NR1H4: variants seen among roughly 807,000 people sequenced by gnomAD.
The protein encoded by NR1H4 is nuclear receptor subfamily 1 group H member 4.
A neutral mutation model predicts 58.5 loss-of-function variants in NR1H4; 23 were observed. The ratio of observed to expected loss-of-function variants is 0.39; its 90% CI spans 0.28 to 0.56. The LOEUF (loss-of-function observed/expected upper bound fraction) is 0.56. NR1H4 is among the 20% of genes least tolerant of loss of function. The probability of loss-of-function intolerance (pLI) is 0.58; values close to 1 mark genes in which losing one functional copy is unlikely to be tolerated. For synonymous variants in NR1H4, 214 were observed against 198.0 expected (o/e 1.08, Z -0.68); for missense variants, 487 against 576.9 (o/e 0.84, Z 1.60).
At chr12:100,552,643 C>T (rs1955228247) in intron 9 of NR1H4, among the ~76,000 whole-genome samples, 1 of 152,162 alleles carries the variant, frequency 6.6e-6, no homozygotes, top group African/African-American at 2.4e-5. Flanking sequence ...AAATATCTGG[C>T]CAGTCACAGT....
At chr12:100,544,388 G>T (rs1265488256) in intron 9 of NR1H4, among the ~76,000 whole-genome samples, 1 of 151,948 alleles carries the variant, frequency 6.6e-6, no homozygotes, top group Non-Finnish European at 1.5e-5. Flanking sequence ...TGTGTGTTTG[G>T]TTTATTCATC....
intron 4 of NR1H4, among the ~76,000 whole-genome samples, chr12:100,512,636 G>T (rs565531782): frequency 1.4e-5 from 2 of 144,380 alleles, no homozygotes; most frequent in South Asian, 4.3e-4. Flanking sequence ...GCGAGACTCC[G>T]TCTCCAAAAA....
intron 4 of NR1H4, among the ~76,000 whole-genome samples, chr12:100,511,768 A>C (rs563043551): frequency 6.6e-6 from 1 of 152,042 alleles, no homozygotes; most frequent in East Asian, 1.9e-4. Flanking sequence ...CTAAAAATAC[A>C]AAAATTAGCT....
intron 4 of NR1H4, among the ~76,000 whole-genome samples, chr12:100,530,310 C>CT (rs1186269014): frequency 5.3e-5 from 8 of 152,150 alleles, no homozygotes; most frequent in African/African-American, 1.9e-4. Flanking sequence ...CTCTCTGTAC[C>CT]TTTTTTTCTT....
chr12:100,517,733 T>C (rs1417618296), intron 4 of NR1H4, among the ~76,000 whole-genome samples: 4 of 152,234 alleles, frequency 2.6e-5, no homozygotes, highest in Non-Finnish European at 5.9e-5. Context: ...TGGAGTGAGG[T>C]GATATCTCAT....
chr12:100,535,147 C>A, intron 6 of NR1H4, 124 bp downstream of exon 6: 1 of 1,041,558 alleles, frequency 9.6e-7, no homozygotes, highest in Non-Finnish European at 1.5e-6. Context: ...TCCAATTGTT[C>A]ATTAAAATGG....
intron 1 of NR1H4, among the ~76,000 whole-genome samples, chr12:100,485,577 G>A (rs557657505): frequency 6.6e-6 from 1 of 152,034 alleles, no homozygotes; most frequent in African/African-American, 2.4e-5. Flanking sequence ...CTGTTGCACA[G>A]GCTGGAGTAC....
intron 9 of NR1H4, 100 bp from the exon 10 acceptor site, chr12:100,561,785 A>C: frequency 1.4e-6 from 1 of 691,660 alleles, no homozygotes; most frequent in South Asian, 1.6e-5. Context: ...GTGTGCATAT[A>C]GTTGCAAAAT....
intron 9 of NR1H4, among the ~76,000 whole-genome samples, chr12:100,556,451 G>A (rs1281252376): frequency 7.2e-6 from 1 of 139,536 alleles, no homozygotes; most frequent in Admixed American, 7.4e-5. Flanking sequence ...TGGGCAACAA[G>A]AGTGAAACTC....
intron 6 of NR1H4, 115 bp downstream of exon 6, chr12:100,535,138 C>A: frequency 8.7e-7 from 1 of 1,145,564 alleles, no homozygotes; most frequent in Non-Finnish European, 1.3e-6. Context: ...AATTTCTAGT[C>A]CAATTGTTCA....
intron 3 of NR1H4, among the ~76,000 whole-genome samples, chr12:100,499,056 C>T (rs1329060796): frequency 6.6e-6 from 1 of 152,162 alleles, no homozygotes. Flanking sequence ...TCAGCCTCTT[C>T]ATGCTTTATT....
In NR1H4 at chr12:100,536,520, T is replaced by C; in HGVS notation, c.741T>C (p.Thr247=). 1 of 1,604,164 alleles carries C rather than the reference T, an allele frequency of 6.2e-7. No individual in the cohort carries two copies. Among genetic ancestry groups the C allele is most frequent in the Non-Finnish European group, 8.5e-7 (1 of 1,171,226 alleles). Residue 247 remains threonine, a synonymous_variant, in exon 7 of 11, where the codon ACT becomes ACC. Coordinates refer to ENST00000392986, the MANE Select transcript of NR1H4 (RefSeq NM_001206979.2). ...TSTTKSCREK[T]ELTPDQQTLL... ...TTTTCTTGCCAGTGTAGGAGAAAAC[T>C]GAACTCACCCCAGATCAACAGACTC...
intron 1 of NR1H4, among the ~76,000 whole-genome samples, chr12:100,480,353 A>T (rs1953352330): frequency 6.6e-6 from 1 of 152,182 alleles, no homozygotes; most frequent in African/African-American, 2.4e-5. Flanking sequence ...TGATGTTGAG[A>T]TGCCGTTTTT....
At chr12:100,549,079 C>G (rs936810405) in intron 9 of NR1H4, among the ~76,000 whole-genome samples, 1 of 152,136 alleles carries the variant, frequency 6.6e-6, no homozygotes, top group African/African-American at 2.4e-5. Context: ...TGGCTCACAC[C>G]TGTAATCCCA....
intron 3 of NR1H4, among the ~76,000 whole-genome samples, chr12:100,508,818 G>A (rs146544442): frequency 3.3e-5 from 5 of 152,264 alleles, no homozygotes; most frequent in South Asian, 2.1e-4. Flanking sequence ...AAAAAACCAC[G>A]TTTTTCTAAA....
At position 100,561,877 on chromosome 12, in the gene NR1H4, C is replaced by A; in HGVS notation, c.1079-8C>A. 9.2e-7 allele frequency: 1 copy of A among 1,088,934 alleles called. No homozygotes were observed. The highest frequency in any genetic ancestry group is 1.4e-6 in the Non-Finnish European group (1 of 701,600). The allele number at this position is 1,088,934 out of a possible 1,614,324, so 67.5% of individuals were successfully genotyped here. On this transcript the variant is annotated splice_polypyrimidine_tract_variant and splice_region_variant and intron_variant, in intron 9 of 10. Coordinates refer to ENST00000392986, the MANE Select transcript of NR1H4 (RefSeq NM_001206979.2). The stretch of plus-strand genomic sequence containing the variant: ...AAATTGTATTATGATTGCAACTTTC[C>A]CCCACAGGTATCTCTGATGAATATA...
chr12:100,494,115 C>T (rs1388577033), intron 3 of NR1H4, among the ~76,000 whole-genome samples: 1 of 152,152 alleles, frequency 6.6e-6, no homozygotes, highest in Non-Finnish European at 1.5e-5. Flanking sequence ...GGGATGCTCC[C>T]AGTTTTCACC....
Position 100,528,760 on chromosome 12 carries a change from AATG to A in NR1H4, c.446-3695_446-3693del, listed in dbSNP as rs34412926. Among the ~76,000 whole-genome samples the A allele has an allele frequency of 2.6e-5, 4 of 152,216 alleles. No individual in the cohort carries two copies. The South Asian group carries it at 8.3e-4, about 32-fold the overall frequency. ...TAATTAATTCAGCTATTGAGATGAT[AATG>A]ATTTCTTTTTCAGTTAATACCAGAG... On this transcript the variant is annotated intron_variant, in intron 4 of 10. Coordinates refer to ENST00000392986, the MANE Select transcript of NR1H4 (RefSeq NM_001206979.2).
intron 9 of NR1H4, among the ~76,000 whole-genome samples, chr12:100,546,653 C>T (rs1244218124): frequency 6.6e-6 from 1 of 152,074 alleles, no homozygotes; most frequent in Non-Finnish European, 1.5e-5. Flanking sequence ...CAAGATCGTG[C>T]CACTGCACTC....
Sources: gnomAD v4.1 joint callset for allele counts (sites outside exome capture counted in the v4.1 genomes callset) on GRCh38, gnomAD v4.1.1 for gene constraint, MANE v1.5 for transcripts, NCBI Gene and HGNC (gene_info 2026-07-23, HGNC 2026-07-21) for gene names.